LRRC28: variants seen among roughly 807,000 people sequenced by gnomAD.
LRRC28 encodes leucine rich repeat containing 28.
Under a neutral mutation model 45.7 loss-of-function variants are expected in LRRC28, and 39 were observed. The ratio of observed to expected loss-of-function variants is 0.85; its 90% CI spans 0.66 to 1.12. The LOEUF (loss-of-function observed/expected upper bound fraction) is 1.12. LRRC28 is among the 50% of genes most tolerant of loss of function. The probability of loss-of-function intolerance (pLI) is 0.00; values close to 1 mark genes in which losing one functional copy is unlikely to be tolerated. For missense variants in LRRC28, 435 were observed against 438.5 expected, an observed-to-expected ratio of 0.99 and a Z score of 0.07; for synonymous variants, 206 against 178.8, an observed-to-expected ratio of 1.15 and a Z score of -1.22.
At chr15:99,373,845 A>G (rs1957551239) in intron 9 of LRRC28, among the ~76,000 whole-genome samples, 1 of 152,146 alleles carries the variant, frequency 6.6e-6, no homozygotes, top group Admixed American at 6.5e-5. Flanking sequence ...TTTTATAGTA[A>G]TGCTTTTTGT....
At chr15:99,284,960 T>A (rs1165379473) in intron 3 of LRRC28, 2 of 619,206 alleles carry the variant, frequency 3.2e-6, no homozygotes, top group African/African-American at 3.6e-5. Context: ...CAAAACCACC[T>A]CCACGACCAC....
chr15:99,260,467 G>A (rs575417645), intron 2 of LRRC28, among the ~76,000 whole-genome samples: 7 of 152,244 alleles, frequency 4.6e-5, no homozygotes, highest in African/African-American at 1.2e-4. Flanking sequence ...AATGATGTAT[G>A]TATTTTACTT....
rs927782167 is a variant in LRRC28, at chr15:99,323,446, T to G, written c.386-10477T>G. ...AGGAATGTCTAAGAGGTTGCGTTGT[T>G]TGATAATTGCAGTTAACTTAAGTGT... On this transcript the variant is annotated intron_variant, in intron 5 of 9. Coordinates refer to ENST00000301981, the MANE Select transcript of LRRC28 (RefSeq NM_144598.5). Among the ~76,000 whole-genome samples the G allele has an allele frequency of 6.6e-5, 10 of 152,212 alleles. 1 individual carries two copies. The highest frequency in any genetic ancestry group is 3.3e-4 in the Admixed American group (5 of 15,266).
intron 5 of LRRC28, among the ~76,000 whole-genome samples, chr15:99,296,476 G>A (rs936298937): frequency 1.2e-4 from 18 of 152,056 alleles, no homozygotes; most frequent in African/African-American, 3.4e-4. Flanking sequence ...TACTCTTCTG[G>A]GAGACTCAGC....
intron 2 of LRRC28, chr15:99,258,438 G>A: frequency 1.1e-6 from 1 of 886,768 alleles, no homozygotes; most frequent in South Asian, 1.4e-5. Context: ...AATATTCACA[G>A]TTCATAAACT....
intron 9 of LRRC28, among the ~76,000 whole-genome samples, chr15:99,379,298 C>A (rs560169800): frequency 6.6e-6 from 1 of 152,212 alleles, no homozygotes; most frequent in Non-Finnish European, 1.5e-5. Flanking sequence ...TTATCCATTT[C>A]TTCTAGATTT....
chr15:99,275,301 C>T (rs1422140943), intron 2 of LRRC28, among the ~76,000 whole-genome samples: 1 of 152,120 alleles, frequency 6.6e-6, no homozygotes, highest in Non-Finnish European at 1.5e-5. Context: ...AGGGCTCTGA[C>T]TTCTTCTGGG....
intron 1 of LRRC28, among the ~76,000 whole-genome samples, chr15:99,252,228 A>T (rs960285310): frequency 1.3e-5 from 2 of 152,242 alleles, no homozygotes; most frequent in Admixed American, 6.5e-5. Flanking sequence ...GATGTAGTCA[A>T]GTGAAATGGG....
At chr15:99,254,988 A>G (rs1296364187) in intron 1 of LRRC28, among the ~76,000 whole-genome samples, 2 of 152,160 alleles carry the variant, frequency 1.3e-5, no homozygotes, top group Non-Finnish European at 2.9e-5. Flanking sequence ...TTCTTCTTTC[A>G]TTGAAATAAT....
At chr15:99,266,399 T>C (rs2081333676) in intron 2 of LRRC28, among the ~76,000 whole-genome samples, 1 of 152,058 alleles carries the variant, frequency 6.6e-6, no homozygotes, top group African/African-American at 2.4e-5. Context: ...TACCAGCTAC[T>C]TGGCTGAGAT....
intron 7 of LRRC28, among the ~76,000 whole-genome samples, chr15:99,359,946 A>T (rs1338175669): frequency 6.6e-6 from 1 of 152,178 alleles, no homozygotes; most frequent in East Asian, 1.9e-4. Flanking sequence ...TCAAGACCCT[A>T]AAGACTTCCC....
intron 9 of LRRC28, 121 bp from the exon 10 acceptor site, chr15:99,385,909 A>C (rs564777988): frequency 6.2e-6 from 5 of 810,802 alleles, no homozygotes; most frequent in Non-Finnish European, 8.6e-6. Context: ...AATTTCTATT[A>C]TGCAGTTTGT....
intron 6 of LRRC28, among the ~76,000 whole-genome samples, chr15:99,347,376 T>A (rs549376038): frequency 3.3e-5 from 5 of 152,210 alleles, no homozygotes; most frequent in African/African-American, 1.2e-4. Flanking sequence ...GCCTGGCTAA[T>A]TTTTTTGTAT....
chr15:99,287,986 T>C, intron 5 of LRRC28, 35 bp downstream of exon 5: 1 of 1,564,556 alleles, frequency 6.4e-7, no homozygotes, highest in Non-Finnish European at 8.7e-7. Context: ...TAGTTTCTTG[T>C]CTATTATAAA....
rs1958072590 is a variant in LRRC28 at position 99,387,837 on chromosome 15, A to G, written c.*1735A>G. The G allele has an allele frequency of 6.6e-6, 1 of 152,164 alleles. No individual in the cohort carries two copies. The highest frequency in any genetic ancestry group is 1.5e-5 in the Non-Finnish European group (1 of 68,030). 9.4% of individuals were successfully genotyped at this position (152,164 alleles called of 1,614,324 possible). A position where few individuals can be genotyped will look rare whatever the true frequency, so the allele number is the denominator to read the frequency against. The stretch of plus-strand genomic sequence containing the variant: ...AATTTTTATTAGCTGCCCTGACTTT[A>G]TAATGCTACGCTCTTAACAGTGCCA... On this transcript the variant is annotated 3_prime_UTR_variant, in exon 10 of 10. Coordinates refer to ENST00000301981, the MANE Select transcript of LRRC28 (RefSeq NM_144598.5).
intron 3 of LRRC28, 71 bp from the exon 4 acceptor site, chr15:99,287,186 C>T: frequency 7.7e-7 from 1 of 1,301,630 alleles, no homozygotes; most frequent in Non-Finnish European, 1.1e-6. Context: ...TCTAAGTGAG[C>T]ATTTTATAAA....
At chr15:99,255,521 A>G (rs1321643938) in intron 1 of LRRC28, among the ~76,000 whole-genome samples, 1 of 152,088 alleles carries the variant, frequency 6.6e-6, no homozygotes, top group African/African-American at 2.4e-5. Flanking sequence ...TAAATACAAA[A>G]TGAGGTAGTT....
At chr15:99,313,532 A>T (rs1217283216) in intron 5 of LRRC28, among the ~76,000 whole-genome samples, 1 of 152,178 alleles carries the variant, frequency 6.6e-6, no homozygotes, top group African/African-American at 2.4e-5. Flanking sequence ...AGGATAGATC[A>T]TATATGCTAG....
chr15:99,330,390 G>C (rs1005070301), intron 5 of LRRC28, among the ~76,000 whole-genome samples: 1 of 151,956 alleles, frequency 6.6e-6, no homozygotes, highest in African/African-American at 2.4e-5. Flanking sequence ...AGTTCTGTCA[G>C]TTTTTTGCTT....
Sources: gnomAD v4.1 joint callset for allele counts (sites outside exome capture counted in the v4.1 genomes callset) on GRCh38, gnomAD v4.1.1 for gene constraint, MANE v1.5 for transcripts, NCBI Gene and HGNC (gene_info 2026-07-23, HGNC 2026-07-21) for gene names.